Variants in ARHGAP15 observed in about 807,000 individuals in gnomAD.
ARHGAP15 encodes rho GTPase-activating protein 15.
ARHGAP15 carries 51 observed loss-of-function variants against 63.7 expected under a neutral mutation model. The observed-to-expected ratio is 0.80, with a 90% CI of 0.64 to 1.01. The LOEUF (loss-of-function observed/expected upper bound fraction) is 1.01, where lower values mean the gene tolerates loss of function less well. Among genes scored for constraint, ARHGAP15 ranks in the 50% least tolerant of loss-of-function variants. The pLI is 0.00. For missense variants in ARHGAP15, 560 were observed against 564.6 expected, an observed-to-expected ratio of 0.99 and a Z score of 0.08; for synonymous variants, 191 against 193.8, an observed-to-expected ratio of 0.99 and a Z score of 0.12.
At chr2:143,442,024 T>C (rs562508904) in intron 8 of ARHGAP15, among the ~76,000 whole-genome samples, 489 of 152,212 alleles carry the variant, frequency 3.2e-3, no homozygotes, top group African/African-American at 0.011. Context: ...AGAAAAAACT[T>C]GAATTGAGAG....
rs12612681 is a variant in ARHGAP15, at chr2:143,199,898, C to T, written c.166-2236C>T. ...CTCTCTCCATAAAGCTCAGGTTTTACGGGAGGGGTGGGGAGACAGCCCAGG... is the reference window on the plus strand; with the variant it reads ...CTCTCTCCATAAAGCTCAGGTTTTATGGGAGGGGTGGGGAGACAGCCCAGG... On this transcript the variant is annotated intron_variant, in intron 2 of 13. Transcript: ENST00000295095. Among the ~76,000 whole-genome samples the T allele has an allele frequency of 3.7e-4, 57 of 152,062 alleles. No individual in the cohort carries two copies. The East Asian group carries it at 5.0e-3, about 13-fold the overall frequency.
chr2:143,199,768 A>G (rs1692035532), intron 2 of ARHGAP15, among the ~76,000 whole-genome samples: 1 of 152,112 alleles, frequency 6.6e-6, no homozygotes, highest in African/African-American at 2.4e-5. Flanking sequence ...ACCCTTCACC[A>G]TATAGCCGTT....
chr2:143,469,379 C>T (rs1056575609), intron 8 of ARHGAP15, among the ~76,000 whole-genome samples: 8 of 152,192 alleles, frequency 5.3e-5, no homozygotes, highest in Non-Finnish European at 1.2e-4. Context: ...ACCTGCTCTA[C>T]CGATGTGAGA....
chr2:143,539,303 A>T (rs1694932708), intron 10 of ARHGAP15, among the ~76,000 whole-genome samples: 1 of 151,516 alleles, frequency 6.6e-6, no homozygotes, highest in Admixed American at 6.6e-5. Context: ...GCGGTCTATC[A>T]GTTTTGTTGA....
Position 143,436,912 on chromosome 2 carries a change from G to C in ARHGAP15, c.574-1G>C. ...TCAGTCTAATTATTTGCTGTTTCCA[G>C]CCAAAGGATTCAAGTTGTCCATCAA... On this transcript the variant is annotated splice_acceptor_variant, in intron 7 of 13. Coordinates refer to ENST00000295095, the MANE Select transcript of ARHGAP15 (RefSeq NM_018460.4). LOFTEE classifies it high-confidence loss of function. 1 of 1,607,054 alleles carries C rather than the reference G, an allele frequency of 6.2e-7. No individual in the cohort carries two copies. Among genetic ancestry groups the C allele is most frequent in the Non-Finnish European group, 8.5e-7 (1 of 1,178,056 alleles).
At chr2:143,389,361 C>A (rs762829393) in intron 6 of ARHGAP15, among the ~76,000 whole-genome samples, 1 of 152,068 alleles carries the variant, frequency 6.6e-6, no homozygotes, top group African/African-American at 2.4e-5. Flanking sequence ...TACGGTTATT[C>A]TTACAGATAC....
intron 10 of ARHGAP15, 113 bp from the exon 11 acceptor site, chr2:143,556,295 T>C: frequency 1.4e-6 from 1 of 720,270 alleles, no homozygotes; most frequent in Non-Finnish European, 2.3e-6. Flanking sequence ...ACACACAAAT[T>C]GGTTTTATCT....
At position 143,143,370 on chromosome 2, in the gene ARHGAP15, A is replaced by G. The variant is rs79390648; in HGVS notation, c.-14-12107A>G. Among the ~76,000 whole-genome samples, 466 of 152,162 alleles carry G rather than the reference A, an allele frequency of 3.1e-3. 4 individuals are homozygous for G. The highest frequency in any genetic ancestry group is 9.8e-3 in the African/African-American group (407 of 41,538). On this transcript the variant is annotated intron_variant, in intron 1 of 13. Transcript: ENST00000295095. ...ATATACAATTAACATAGTATATTGTATCTCTTATCTTCAAAGAAAAGGATT... is the reference window on the plus strand; with the variant it reads ...ATATACAATTAACATAGTATATTGTGTCTCTTATCTTCAAAGAAAAGGATT...
intron 6 of ARHGAP15, among the ~76,000 whole-genome samples, chr2:143,384,944 C>T (rs1485601616): frequency 6.6e-6 from 1 of 152,180 alleles, no homozygotes; most frequent in African/African-American, 2.4e-5. Context: ...CTGAATAAGA[C>T]ATTCCTTTAT....
chr2:143,548,813 A>ATGTGTCTATATTTCT (rs1447566650), intron 10 of ARHGAP15, among the ~76,000 whole-genome samples: 1 of 136,590 alleles, frequency 7.3e-6, no homozygotes, highest in East Asian at 2.2e-4. Context: ...GTGTCTATGA[A>ATGTGTCTATATTTCT]GCAAGCATTT....
At chr2:143,766,217 T>C (rs1231338504) in intron 13 of ARHGAP15, among the ~76,000 whole-genome samples, 2 of 152,118 alleles carry the variant, frequency 1.3e-5, no homozygotes, top group African/African-American at 4.8e-5. Flanking sequence ...AAGTCAACCA[T>C]AGTCTGAAAG....
intron 2 of ARHGAP15, among the ~76,000 whole-genome samples, chr2:143,182,418 G>A (rs147868578): frequency 1.5e-3 from 229 of 152,230 alleles, no homozygotes; most frequent in African/African-American, 5.4e-3. Flanking sequence ...GCTTAATAAG[G>A]TGAAGCACAA....
chr2:143,222,348 A>G (rs1157360735), intron 4 of ARHGAP15, among the ~76,000 whole-genome samples: 1 of 152,252 alleles, frequency 6.6e-6, no homozygotes, highest in Admixed American at 6.5e-5. Flanking sequence ...GATGGACCAA[A>G]TAAGAGAACC....
chr2:143,587,836 T>C (rs190542240), intron 11 of ARHGAP15: 1 of 452,238 alleles, frequency 2.2e-6, no homozygotes, highest in Admixed American at 2.5e-5. Flanking sequence ...ATTTATTAAG[T>C]TTTTTGAGAT....
intron 6 of ARHGAP15, among the ~76,000 whole-genome samples, chr2:143,251,350 GAT>G (rs1240503069): frequency 6.6e-6 from 1 of 151,978 alleles, no homozygotes; most frequent in Non-Finnish European, 1.5e-5. Flanking sequence ...GTAGAAGAGA[GAT>G]AGAGTATAAT....
intron 12 of ARHGAP15, among the ~76,000 whole-genome samples, chr2:143,690,898 C>G (rs1359492688): frequency 6.6e-6 from 1 of 151,960 alleles, no homozygotes; most frequent in Non-Finnish European, 1.5e-5. Flanking sequence ...ACCTTTGGAA[C>G]GGACATTAAT....
At chr2:143,733,886 T>A (rs1685643504) in intron 13 of ARHGAP15, among the ~76,000 whole-genome samples, 1 of 152,202 alleles carries the variant, frequency 6.6e-6, no homozygotes. Flanking sequence ...CTATAATATC[T>A]ACAAAATTTT....
intron 13 of ARHGAP15, among the ~76,000 whole-genome samples, chr2:143,754,456 CAGTCACTCTTCACAG>C (rs761838746): frequency 2.0e-5 from 3 of 152,150 alleles, no homozygotes; most frequent in African/African-American, 4.8e-5. Flanking sequence ...GTCTGGATCT[CAGTCACTCTTCACAG>C]AGTACTCTGT....
At chr2:143,499,358 G>A (rs543463288) in intron 9 of ARHGAP15, among the ~76,000 whole-genome samples, 2 of 152,148 alleles carry the variant, frequency 1.3e-5, no homozygotes, top group Admixed American at 6.5e-5. Flanking sequence ...GACTCAGTGC[G>A]GGAGTTTCAT....
Sources: allele counts gnomAD v4.1 joint callset (sites outside exome capture counted in the v4.1 genomes callset), GRCh38; gene constraint gnomAD v4.1.1; transcripts MANE v1.5; gene names NCBI Gene and HGNC (gene_info 2026-07-23, HGNC 2026-07-21).